The following SLC2A10 variants were observed in gnomAD, a reference collection of about 807,000 sequenced individuals.
SLC2A10 encodes solute carrier family 2, facilitated glucose transporter member 10.
In SLC2A10, 25 loss-of-function variants were observed where a neutral mutation model predicts 32.1. That is an observed-to-expected ratio of 0.78 (90% CI 0.57 to 1.09). The LOEUF (loss-of-function observed/expected upper bound fraction) is 1.09. Ranked by LOEUF, SLC2A10 falls within the 50% of genes least tolerant of loss-of-function variation. SLC2A10 has a pLI of 0.00. For synonymous variants in SLC2A10, 332 were observed against 309.6 expected (o/e 1.07, Z -0.76); for missense variants, 673 against 686.5 (o/e 0.98, Z 0.22).
chr20:46,729,430 G>A lies in SLC2A10; in HGVS notation c.1489G>A (p.Val497Ile), dbSNP rs758538766. 1.2e-6 allele frequency: 2 copies of A among 1,613,890 alleles called. No homozygotes were observed. Among genetic ancestry groups the A allele is most frequent in the Non-Finnish European group, 1.7e-6 (2 of 1,179,984 alleles). Residue 497 changes from valine (V) to isoleucine (I), a missense_variant, in exon 4 of 5, where the codon GTT becomes ATT. By Grantham distance (29) the Val-to-Ile change is conservative. Transcript: ENST00000359271. ...VLGLGFIYLF[V>I]PETKGQSLAE... is the part of the protein sequence containing the mutation. ...CGGCCTGGGCTTCATCTATTTATTT[G>A]TTCCTGAAACAAAAGGCCAGTCGTT...
At chr20:46,724,459 G>A (rs1481063835) in intron 1 of SLC2A10, among the ~76,000 whole-genome samples, 1 of 152,086 alleles carries the variant, frequency 6.6e-6, no homozygotes, top group Non-Finnish European at 1.5e-5. Flanking sequence ...GGTGAATTAA[G>A]GTATAGATAA....
intron 4 of SLC2A10, among the ~76,000 whole-genome samples, chr20:46,731,545 G>C (rs1293173214): frequency 6.6e-6 from 1 of 152,142 alleles, no homozygotes; most frequent in Non-Finnish European, 1.5e-5. Flanking sequence ...GCCAGCTTTG[G>C]GGTAAGGCAG....
intron 3 of SLC2A10, among the ~76,000 whole-genome samples, chr20:46,727,879 C>T (rs559613576): frequency 3.3e-4 from 51 of 152,248 alleles, no homozygotes; most frequent in African/African-American, 1.2e-3. Flanking sequence ...TCCCTATGGC[C>T]AAGAGTTTCC....
intron 3 of SLC2A10, among the ~76,000 whole-genome samples, chr20:46,728,028 A>G (rs1037313746): frequency 3.3e-5 from 5 of 152,094 alleles, no homozygotes; most frequent in Non-Finnish European, 7.4e-5. Context: ...TCAGTCTTCA[A>G]GCATTTCCCT....
chr20:46,717,241 C>T (rs1354922127), intron 1 of SLC2A10, among the ~76,000 whole-genome samples: 1 of 152,002 alleles, frequency 6.6e-6, no homozygotes, highest in African/African-American at 2.4e-5. Flanking sequence ...AAAAAACCCA[C>T]CCCATAATTG....
At chr20:46,710,148 G>A (rs1978824614) in intron 1 of SLC2A10, 1 of 429,730 alleles carries the variant, frequency 2.3e-6, no homozygotes, top group Non-Finnish European at 4.1e-6. Flanking sequence ...GTGGGCCTGG[G>A]GACGCTGTCG....
At chr20:46,722,753 A>C (rs1979629380) in intron 1 of SLC2A10, among the ~76,000 whole-genome samples, 1 of 152,172 alleles carries the variant, frequency 6.6e-6, no homozygotes, top group Admixed American at 6.5e-5. Context: ...TCTTCTAATA[A>C]TTTGCCTGAG....
At chr20:46,732,558 G>A (rs1203380583) in intron 4 of SLC2A10, among the ~76,000 whole-genome samples, 1 of 152,200 alleles carries the variant, frequency 6.6e-6, no homozygotes, top group Non-Finnish European at 1.5e-5. Flanking sequence ...ACCTACCAGG[G>A]GGTGAACAGC....
intron 1 of SLC2A10, among the ~76,000 whole-genome samples, chr20:46,719,912 A>C (rs1979455480): frequency 6.6e-6 from 1 of 152,220 alleles, no homozygotes; most frequent in Non-Finnish European, 1.5e-5. Context: ...CAAAGAGAAG[A>C]AGCAGCTTGC....
At chr20:46,731,836 G>A (rs1056057603) in intron 4 of SLC2A10, among the ~76,000 whole-genome samples, 3 of 152,158 alleles carry the variant, frequency 2.0e-5, no homozygotes, top group African/African-American at 4.8e-5. Context: ...GAACTAATGG[G>A]ATAGTCTTTT....
At position 46,725,417 on chromosome 20, in the gene SLC2A10, G is replaced by A. The variant is rs764268600; in HGVS notation, c.381G>A (p.Val127=). The A allele has an allele frequency of 1.9e-6, 3 of 1,614,154 alleles. No homozygotes were observed. Among genetic ancestry groups the A allele is most frequent in the South Asian group, 1.1e-5 (1 of 91,086 alleles). The change falls in exon 2 of 5, where the codon GTG becomes GTA. Residue 127 remains valine (V), a synonymous_variant. Coordinates refer to ENST00000359271, the MANE Select transcript of SLC2A10 (RefSeq NM_030777.4). ...MACCIYVSEL[V]GPRQRGVLVS... ...GCTGTATCTACGTGTCAGAGCTGGT[G>A]GGGCCACGGCAGCGGGGAGTGCTGG...
At chr20:46,710,187 A>AC in intron 1 of SLC2A10, 4 of 415,846 alleles carry the variant, frequency 9.6e-6, no homozygotes, top group Non-Finnish European at 1.7e-5. Context: ...AAACAGACGA[A>AC]CCCCCTCCTC....
At chr20:46,719,267 CA>C (rs1979424754) in intron 1 of SLC2A10, among the ~76,000 whole-genome samples, 1 of 152,134 alleles carries the variant, frequency 6.6e-6, no homozygotes, top group South Asian at 2.1e-4. Flanking sequence ...ACTAGATCTG[CA>C]GCAAAGAGTG....
In SLC2A10 at chr20:46,734,074, T is replaced by C. The variant is rs752013013; in HGVS notation, c.*240T>C. ...CTAGCTTCATGCCTCAGTTTCCCCA[T>C]TGACTTGCACATCTCTGCAGTATTT... On this transcript the variant is annotated 3_prime_UTR_variant, in exon 5 of 5. Transcript: ENST00000359271. 8.5e-6 allele frequency: 5 copies of C among 589,706 alleles called. No individual in the cohort carries two copies. The highest frequency in any genetic ancestry group is 5.6e-5 in the Admixed American group (2 of 35,418). The allele number at this position is 589,706 out of a possible 1,614,324, so 36.5% of individuals were successfully genotyped here.
chr20:46,725,319 G>T lies in SLC2A10; in HGVS notation c.283G>T (p.Ala95Ser). The T allele has an allele frequency of 6.2e-7, 1 of 1,614,078 alleles. No individual in the cohort carries two copies. The highest frequency in any genetic ancestry group is 8.5e-7 in the Non-Finnish European group (1 of 1,180,026). Residue 95 changes from alanine (A) to serine (S), a missense_variant, in exon 2 of 5, where the codon GCT becomes TCT. Transcript: ENST00000359271. The part of the protein sequence containing the change: ...LLAGSLTLGL[A>S]GSLAWLVLGR... Reference sequence around the variant, plus strand: ...GGCAGGCAGCCTGACCCTGGGCCTGGCTGGTTCCCTGGCCTGGCTGGTCCT... The same window carrying T: ...GGCAGGCAGCCTGACCCTGGGCCTGTCTGGTTCCCTGGCCTGGCTGGTCCT...
chr20:46,726,444 C>T, intron 2 of SLC2A10, 120 bp downstream of exon 2: 2 of 1,454,612 alleles, frequency 1.4e-6, no homozygotes, highest in Non-Finnish European at 1.9e-6. Flanking sequence ...GGTGGGTTGA[C>T]CATGAAGCCT....
intron 1 of SLC2A10, among the ~76,000 whole-genome samples, chr20:46,717,680 C>T (rs190540679): frequency 2.0e-5 from 3 of 152,318 alleles, no homozygotes; most frequent in African/African-American, 7.2e-5. Flanking sequence ...CCACCACACA[C>T]GGCCAAGTTC....
chr20:46,717,154 T>C (rs1044122755), intron 1 of SLC2A10, among the ~76,000 whole-genome samples: 16 of 152,182 alleles, frequency 1.1e-4, no homozygotes, highest in African/African-American at 3.1e-4. Flanking sequence ...CAGAAAATGC[T>C]GTCAGATAGT....
intron 1 of SLC2A10, among the ~76,000 whole-genome samples, chr20:46,718,290 T>C (rs982376737): frequency 6.6e-6 from 1 of 152,214 alleles, no homozygotes; most frequent in African/African-American, 2.4e-5. Context: ...CCTTCATTAT[T>C]CCCTGTGTTG....
Sources: gnomAD v4.1 joint callset for allele counts (sites outside exome capture counted in the v4.1 genomes callset) on GRCh38, gnomAD v4.1.1 for gene constraint, MANE v1.5 for transcripts, NCBI Gene and HGNC (gene_info 2026-07-23, HGNC 2026-07-21) for gene names.